TMEM131: variants seen among roughly 807,000 people sequenced by gnomAD.
TMEM131 encodes transmembrane protein 131.
TMEM131 carries 66 observed loss-of-function variants against 211.6 expected under a neutral mutation model. The ratio of observed to expected loss-of-function variants is 0.31; its 90% confidence interval spans 0.26 to 0.38. The LOEUF is 0.38. TMEM131 is among the 10% of genes least tolerant of loss of function. The probability of loss-of-function intolerance (pLI) is 1.00; values close to 1 mark genes in which losing one functional copy is unlikely to be tolerated. For missense variants in TMEM131, 2,036 were observed against 2,299.3 expected (o/e 0.89, Z 2.34); for synonymous variants, 844 against 841.3 (o/e 1.00, Z -0.06).
intron 32 of TMEM131, among the ~76,000 whole-genome samples, chr2:97,774,425 G>C (rs1679615932): frequency 6.6e-6 from 1 of 152,254 alleles, no homozygotes; most frequent in Non-Finnish European, 1.5e-5. Context: ...CTGACAAACT[G>C]AGATCAGTTG....
At chr2:97,820,534 A>T (rs911675666) in intron 11 of TMEM131, among the ~76,000 whole-genome samples, 2 of 152,126 alleles carry the variant, frequency 1.3e-5, no homozygotes, top group Non-Finnish European at 1.5e-5. Context: ...TCAGCTGCCC[A>T]TCTACTCTGG....
chr2:97,942,964 AAAAGAAAG>A (rs201054611), intron 1 of TMEM131, among the ~76,000 whole-genome samples: 2 of 146,034 alleles, frequency 1.4e-5, no homozygotes, highest in African/African-American at 5.1e-5. Context: ...GCTACAAAAA[AAAAGAAAG>A]AAAGAAAGAA....
At chr2:97,974,709 GA>G (rs1278091358) in intron 1 of TMEM131, among the ~76,000 whole-genome samples, 1 of 145,886 alleles carries the variant, frequency 6.9e-6, no homozygotes, top group Non-Finnish European at 1.5e-5. Context: ...AAGACTAAAA[GA>G]AAAAGAAAAA....
chr2:97,807,545 G>T (rs892351135), intron 19 of TMEM131, among the ~76,000 whole-genome samples: 1 of 152,184 alleles, frequency 6.6e-6, no homozygotes, highest in African/African-American at 2.4e-5. Flanking sequence ...AGACACTGGG[G>T]CCATGCTTCC....
chr2:97,814,168 AC>A (rs778642717), intron 14 of TMEM131, 27 bp from the exon 15 acceptor site: 1 of 1,612,460 alleles, frequency 6.2e-7, no homozygotes, highest in Non-Finnish European at 8.5e-7. Flanking sequence ...GAGAAAAAAA[AC>A]AAAGTGTCAG....
chr2:97,889,119 A>G (rs552531907), intron 3 of TMEM131, among the ~76,000 whole-genome samples: 3 of 152,374 alleles, frequency 2.0e-5, no homozygotes, highest in African/African-American at 7.2e-5. Flanking sequence ...TAAAGATTAA[A>G]TAATCTGAGT....
At chr2:97,961,004 C>G (rs534452657) in intron 1 of TMEM131, among the ~76,000 whole-genome samples, 1 of 151,608 alleles carries the variant, frequency 6.6e-6, no homozygotes, top group African/African-American at 2.4e-5. Context: ...TACCAGTAAG[C>G]CAATAGAAAG....
At chr2:97,759,173 T>C (rs1678676071) in intron 39 of TMEM131, 120 bp from the exon 40 acceptor site, 1 of 1,261,144 alleles carries the variant, frequency 7.9e-7, no homozygotes, top group Admixed American at 1.8e-5. Context: ...CACACCCACT[T>C]CACCAGCCCA....
chr2:97,884,165 A>C (rs1474607578), intron 4 of TMEM131, among the ~76,000 whole-genome samples: 1 of 152,126 alleles, frequency 6.6e-6, no homozygotes, highest in Non-Finnish European at 1.5e-5. Context: ...TTACCATTTA[A>C]TTTCTTCCTT....
At chr2:97,882,361 A>G (rs1322675773) in intron 4 of TMEM131, among the ~76,000 whole-genome samples, 2 of 152,220 alleles carry the variant, frequency 1.3e-5, no homozygotes, top group African/African-American at 4.8e-5. Flanking sequence ...ACACTAACCT[A>G]AGTGCTGCTG....
chr2:97,957,075 C>T (rs1311315886), intron 1 of TMEM131, among the ~76,000 whole-genome samples: 1 of 145,254 alleles, frequency 6.9e-6, no homozygotes, highest in Non-Finnish European at 1.5e-5. Context: ...CCAGGCTGGG[C>T]GACAGCGTGA....
At chr2:97,776,427 C>T (rs1679734012) in intron 31 of TMEM131, among the ~76,000 whole-genome samples, 1 of 152,062 alleles carries the variant, frequency 6.6e-6, no homozygotes, top group Non-Finnish European at 1.5e-5. Context: ...AGGCTGGACT[C>T]TTCTGATTAA....
chr2:97,934,927 T>C (rs1466987576), intron 1 of TMEM131, among the ~76,000 whole-genome samples: 2 of 151,940 alleles, frequency 1.3e-5, no homozygotes, highest in East Asian at 1.9e-4. Context: ...TTAAAAAGGA[T>C]AGAGAAGATC....
In TMEM131 at chr2:97,848,516, A is replaced by C. The variant is rs138296457; in HGVS notation, c.484-4255T>G. On this transcript the variant is annotated intron_variant, in intron 5 of 40. Coordinates refer to ENST00000186436, the MANE Select transcript of TMEM131 (RefSeq NM_015348.2). ...TGGGGATACTTTAAATAATCTCTACATTACTTGTAATACTTAATACAATGT... is the reference window on the plus strand; with the variant it reads ...TGGGGATACTTTAAATAATCTCTACCTTACTTGTAATACTTAATACAATGT... Among the ~76,000 whole-genome samples the C allele has an allele frequency of 2.6e-5, 4 of 152,332 alleles. No homozygotes were observed. In the East Asian group the frequency reaches 7.7e-4, roughly 29 times the overall value.
intron 31 of TMEM131, among the ~76,000 whole-genome samples, chr2:97,777,247 T>C (rs1173403241): frequency 6.6e-6 from 1 of 152,262 alleles, no homozygotes; most frequent in Non-Finnish European, 1.5e-5. Flanking sequence ...AGCCACATTT[T>C]AACCCAGTCT....
intron 33 of TMEM131, among the ~76,000 whole-genome samples, chr2:97,768,474 G>A (rs1452019374): frequency 3.3e-5 from 5 of 152,168 alleles, no homozygotes; most frequent in Non-Finnish European, 2.9e-5. Context: ...GAAGAAAGGT[G>A]CCAGACAACT....
intron 32 of TMEM131, 74 bp from the exon 33 acceptor site, chr2:97,772,498 G>C (rs1679514245): frequency 1.3e-6 from 2 of 1,483,226 alleles, no homozygotes; most frequent in African/African-American, 2.8e-5. Flanking sequence ...TTAAGATACA[G>C]ACACAAAATC....
Position 97,805,872 on chromosome 2 carries a change from C to T in TMEM131, c.2056-169G>A, listed in dbSNP as rs115264499. On this transcript the variant is annotated intron_variant, in intron 19 of 40. Coordinates refer to ENST00000186436, the MANE Select transcript of TMEM131 (RefSeq NM_015348.2). ...ATTGTAATCAACAGCCAAAAAACCT[C>T]ACCAAAAAACTTTTTTTTCTTGCTG... is the stretch of plus-strand genomic sequence containing the variant. 5.1e-4 allele frequency among the ~76,000 whole-genome samples: 78 copies of T among 152,296 alleles called. 1 individual carries two copies. The highest frequency in any genetic ancestry group is 1.8e-3 in the African/African-American group (74 of 41,544).
At chr2:97,830,132 TAAA>T (rs60531384) in intron 11 of TMEM131, among the ~76,000 whole-genome samples, 2 of 72,348 alleles carry the variant, frequency 2.8e-5, no homozygotes, top group Admixed American at 1.6e-4. Context: ...CATTATCAGT[TAAA>T]AAAAAAAAAA....
Sources: allele counts gnomAD v4.1 joint callset (sites outside exome capture counted in the v4.1 genomes callset), GRCh38; gene constraint gnomAD v4.1.1; transcripts MANE v1.5; gene names NCBI Gene and HGNC (gene_info 2026-07-23, HGNC 2026-07-21).